SYNE2: variants seen among roughly 807,000 people sequenced by gnomAD.
The protein encoded by SYNE2 is spectrin repeat containing nuclear envelope protein 2.
Under a neutral mutation model 856.3 loss-of-function variants are expected in SYNE2, and 431 were observed. The observed-to-expected ratio is 0.50, with a 90% CI of 0.47 to 0.55. The LOEUF (loss-of-function observed/expected upper bound fraction) is 0.55, where lower values mean the gene tolerates loss of function less well. Ranked by LOEUF, SYNE2 falls within the 20% of genes least tolerant of loss-of-function variation. SYNE2 has a pLI of 0.00. For synonymous variants in SYNE2, 2,923 were observed against 2,872.3 expected, an observed-to-expected ratio of 1.02 and a Z score of -0.56; for missense variants, 8,129 against 8,023.2, an observed-to-expected ratio of 1.01 and a Z score of -0.50.
rs748879216 is a variant in SYNE2 at position 63,990,971 on chromosome 14, G to A, written c.2502G>A (p.Leu834=). 6.2e-7 allele frequency: 1 copy of A among 1,614,110 alleles called. No homozygotes were observed. Among genetic ancestry groups the A allele is most frequent in the Non-Finnish European group, 8.5e-7 (1 of 1,179,992 alleles). ...ATGTGGTAAAACTCATTGCAGCGTT[G>A]AAGAACTTAACTGACGTTTCACCAG... is the stretch of plus-strand genomic sequence containing the variant. ...QINVVKLIAA[L]KNLTDVSPDL... is the part of the protein sequence containing the mutation. Residue 834 remains leucine (L), a synonymous_variant, in exon 21 of 116, where the codon TTG becomes TTA. Transcript: ENST00000555002.
At chr14:64,071,002 T>C in intron 52 of SYNE2, 92 bp downstream of exon 52, 1 of 1,330,930 alleles carries the variant, frequency 7.5e-7, no homozygotes. Flanking sequence ...TGGCAAATGA[T>C]ACAATAGAAT....
At chr14:63,839,271 C>T (rs542469324) in intron 1 of SYNE2, among the ~76,000 whole-genome samples, 8 of 152,214 alleles carry the variant, frequency 5.3e-5, no homozygotes, top group African/African-American at 1.7e-4. Context: ...CCTCGTGATC[C>T]GCCTACCTTG....
intron 1 of SYNE2, among the ~76,000 whole-genome samples, chr14:63,792,891 C>T (rs1161247347): frequency 6.6e-6 from 1 of 152,088 alleles, no homozygotes; most frequent in East Asian, 1.9e-4. Flanking sequence ...GTTGCCCAGG[C>T]TGGTCTTGAA....
At chr14:64,034,379 G>C (rs1266450171) in intron 45 of SYNE2, 1 of 409,082 alleles carries the variant, frequency 2.4e-6, no homozygotes, top group Non-Finnish European at 4.3e-6. Flanking sequence ...CACTTCACAT[G>C]CCTTTTTGGA....
At chr14:63,797,167 T>A (rs981228907) in intron 1 of SYNE2, among the ~76,000 whole-genome samples, 3 of 149,532 alleles carry the variant, frequency 2.0e-5, no homozygotes, top group African/African-American at 4.9e-5. Context: ...GAGGCTGAGG[T>A]GGGCAGATCA....
intron 11 of SYNE2, among the ~76,000 whole-genome samples, chr14:63,975,522 G>A (rs1292221646): frequency 5.9e-5 from 9 of 151,724 alleles, no homozygotes. Context: ...TAGTAGAGAT[G>A]GGGTTTTTCC....
At position 64,139,085 on chromosome 14, in the gene SYNE2, G is replaced by A. The variant is rs2098120724; in HGVS notation, c.14844-856G>A. 2.0e-5 allele frequency among the ~76,000 whole-genome samples: 3 copies of A among 151,904 alleles called. No individual in the cohort carries two copies. The South Asian group carries it at 6.2e-4, about 32-fold the overall frequency. ...TGCAGCCTTGACCTCCTGGGCTCAA[G>A]TAATCTTCCCACCTCAGCCTCCCAA... On this transcript the variant is annotated intron_variant, in intron 79 of 115. Transcript: ENST00000555002.
intron 1 of SYNE2, chr14:63,873,528 T>G (rs1256173823): frequency 6.6e-6 from 1 of 152,306 alleles, no homozygotes; most frequent in Non-Finnish European, 1.5e-5. Context: ...CCCAAGTAGC[T>G]GGGAGTACAG....
At position 64,224,483 on chromosome 14, in the gene SYNE2, G is replaced by T. The variant is rs767428846; in HGVS notation, c.20405G>T (p.Ser6802Ile). ...GTQNPASPLP[S>I]FDEVDSGDQP... ...CAGAACCCAGCCTCACCCCTGCCCAGCTTCGACGAGGTAGACTCGGGGGAC... is the reference window on the plus strand; with the variant it reads ...CAGAACCCAGCCTCACCCCTGCCCATCTTCGACGAGGTAGACTCGGGGGAC... Residue 6802 changes from serine (S) to isoleucine (I), a missense_variant, in exon 114 of 116, where the codon AGC becomes ATC. Ser to Ile is a moderately radical substitution (Grantham distance 142, BLOSUM62 -2). This residue lies in a region of SYNE2 where 5,410 missense variants were observed against 5,284.8 expected (regional missense o/e 1.02). Coordinates refer to ENST00000555002, the MANE Select transcript of SYNE2 (RefSeq NM_182914.3). 2 of 1,613,986 alleles carry T rather than the reference G, an allele frequency of 1.2e-6. No homozygotes were observed. The highest frequency in any genetic ancestry group is 1.7e-6 in the Non-Finnish European group (2 of 1,179,994).
At chr14:64,174,096 A>G (rs1205677987) in intron 94 of SYNE2, 4 of 462,736 alleles carry the variant, frequency 8.6e-6, no homozygotes, top group Admixed American at 4.0e-5. Context: ...CCTTGAGACA[A>G]AGCGTCACTC....
chr14:64,012,505 A>C lies in SYNE2; in HGVS notation c.4728+2389A>C, dbSNP rs1225725346. Among the ~76,000 whole-genome samples the C allele has an allele frequency of 3.9e-5, 6 of 152,220 alleles. 1 individual carries two copies. Among genetic ancestry groups the C allele is most frequent in the Non-Finnish European group, 8.8e-5 (6 of 68,034 alleles). The stretch of plus-strand genomic sequence containing the variant: ...CTGCCTGCCCTGAAGACATATTTGA[A>C]GTGTGTATATAGTAGAAATAAAAAT... On this transcript the variant is annotated intron_variant, in intron 32 of 115. Transcript: ENST00000555002.
chr14:64,170,539 A>G, intron 94 of SYNE2, 77 bp downstream of exon 94: 1 of 1,400,930 alleles, frequency 7.1e-7, no homozygotes, highest in Non-Finnish European at 9.9e-7. Flanking sequence ...CTTTGGTTTA[A>G]TGTTTTTGAT....
At chr14:63,770,520 C>T (rs1566555707) in intron 1 of SYNE2, among the ~76,000 whole-genome samples, 1 of 152,270 alleles carries the variant, frequency 6.6e-6, no homozygotes, top group East Asian at 1.9e-4. Context: ...AAAATGATGG[C>T]TGGGCACAGT....
intron 94 of SYNE2, among the ~76,000 whole-genome samples, chr14:64,172,973 G>C (rs1032265934): frequency 6.6e-6 from 1 of 151,932 alleles, no homozygotes; most frequent in East Asian, 1.9e-4. Flanking sequence ...TTCAGTGATC[G>C]CTGGAGGCAG....
intron 63 of SYNE2, among the ~76,000 whole-genome samples, chr14:64,100,531 A>AAAATATATAT (rs1491537041): frequency 2.0e-4 from 8 of 39,480 alleles, no homozygotes; most frequent in Non-Finnish European, 3.7e-4. Flanking sequence ...AAAAAAAAAA[A>AAAATATATAT]ATATATATAT....
rs368076881 is a variant in SYNE2 at position 64,165,251 on chromosome 14, A to G, written c.16480-34A>G. 7.4e-5 allele frequency: 119 copies of G among 1,607,504 alleles called. 1 individual carries two copies. The highest frequency in any genetic ancestry group is 9.5e-5 in the Non-Finnish European group (111 of 1,174,562). The stretch of plus-strand genomic sequence containing the variant: ...TTAATTCTGTTTTATATGTACATGA[A>G]AATAGTTTCTAATGAAAATTTCTCT... On this transcript the variant is annotated intron_variant, in intron 89 of 115. Transcript: ENST00000555002.
At chr14:64,102,614 A>T (rs767041036) in intron 64 of SYNE2, among the ~76,000 whole-genome samples, 5 of 151,306 alleles carry the variant, frequency 3.3e-5, no homozygotes, top group Non-Finnish European at 5.9e-5. Context: ...GCTAATTAAC[A>T]TATGCATTAC....
intron 103 of SYNE2, 107 bp downstream of exon 103, chr14:64,210,231 C>A: frequency 7.3e-7 from 1 of 1,365,636 alleles, no homozygotes; most frequent in Non-Finnish European, 9.9e-7. Flanking sequence ...GGTTTCACTT[C>A]AGGCCTGAGC....
intron 66 of SYNE2, among the ~76,000 whole-genome samples, chr14:64,117,539 C>T (rs1595635702): frequency 6.6e-6 from 1 of 152,302 alleles, no homozygotes; most frequent in Non-Finnish European, 1.5e-5. Context: ...TCAAGTGAGC[C>T]TCCTGCCTCA....
Sources: gnomAD v4.1 joint callset for allele counts (sites outside exome capture counted in the v4.1 genomes callset) on GRCh38, gnomAD v4.1.1 for gene constraint, gnomAD v4.1.1 regional missense constraint, MANE v1.5 for transcripts, NCBI Gene and HGNC (gene_info 2026-07-23, HGNC 2026-07-21) for gene names.